Variants in EXOC6B observed in about 807,000 individuals in gnomAD.
EXOC6B encodes the protein SEC15 homolog B.
A neutral mutation model predicts 113.5 loss-of-function variants in EXOC6B; 54 were observed. The ratio of observed to expected loss-of-function variants is 0.48; its 90% CI spans 0.38 to 0.60. The LOEUF is 0.60. Ranked by LOEUF, EXOC6B falls within the 20% of genes least tolerant of loss-of-function variation. The pLI is 0.00. For synonymous variants in EXOC6B, 357 were observed against 339.0 expected (o/e 1.05, Z -0.58); for missense variants, 797 against 977.5 (o/e 0.82, Z 2.46).
chr2:72,346,700 T>C (rs1482249018), intron 19 of EXOC6B, among the ~76,000 whole-genome samples: 4 of 152,166 alleles, frequency 2.6e-5, no homozygotes, highest in Admixed American at 6.5e-5. Flanking sequence ...TTTAGCTATA[T>C]TCACTGAATT....
chr2:72,414,423 C>A (rs545533147), intron 18 of EXOC6B, among the ~76,000 whole-genome samples: 3 of 152,180 alleles, frequency 2.0e-5, no homozygotes, highest in Non-Finnish European at 4.4e-5. Flanking sequence ...GTTCAAAAAA[C>A]CAGTTTTATA....
chr2:72,272,921 A>T (rs1481130797), intron 20 of EXOC6B, among the ~76,000 whole-genome samples: 1 of 152,184 alleles, frequency 6.6e-6, no homozygotes, highest in Non-Finnish European at 1.5e-5. Context: ...ATTGCAGAAC[A>T]CTAAGGAAAA....
intron 18 of EXOC6B, among the ~76,000 whole-genome samples, chr2:72,443,520 C>T (rs1007811671): frequency 6.6e-6 from 1 of 152,018 alleles, no homozygotes; most frequent in African/African-American, 2.4e-5. Flanking sequence ...TGAAGCTGGA[C>T]CCCTTTCTTA....
At chr2:72,345,374 G>A (rs1335221140) in intron 19 of EXOC6B, among the ~76,000 whole-genome samples, 2 of 152,146 alleles carry the variant, frequency 1.3e-5, no homozygotes, top group African/African-American at 2.4e-5. Flanking sequence ...TAGGAATCTG[G>A]GAATGGATGT....
At chr2:72,570,154 G>C (rs1704432409) in intron 7 of EXOC6B, among the ~76,000 whole-genome samples, 1 of 151,972 alleles carries the variant, frequency 6.6e-6, no homozygotes, top group African/African-American at 2.4e-5. Context: ...CTTATAAAAA[G>C]AGGAAGACAC....
At position 72,638,832 on chromosome 2, in the gene EXOC6B, G is replaced by C. The variant is rs577486913; in HGVS notation, c.670-63164C>G. ...CTAGGCTCAACGTGCTTCCATAGGA[G>C]ACTTTAGCCCTAGGGGTCCTGAACT... On this transcript the variant is annotated intron_variant, in intron 6 of 21. Transcript: ENST00000272427. Among the ~76,000 whole-genome samples, 44 of 152,264 alleles carry C rather than the reference G, an allele frequency of 2.9e-4. No individual in the cohort carries two copies. In the South Asian group the frequency reaches 5.6e-3, roughly 19 times the overall value.
At chr2:72,305,354 GTATATGTATATGTATA>G (rs1160043952) in intron 20 of EXOC6B, among the ~76,000 whole-genome samples, 63 of 151,676 alleles carry the variant, frequency 4.2e-4, no homozygotes, top group African/African-American at 1.4e-3. Context: ...ATATGTATAT[GTATATGTATATGTATA>G]TGTGTATGTA....
At chr2:72,585,517 A>C (rs1041855366) in intron 6 of EXOC6B, among the ~76,000 whole-genome samples, 5 of 152,054 alleles carry the variant, frequency 3.3e-5, no homozygotes, top group African/African-American at 1.2e-4. Flanking sequence ...GAATCACTTG[A>C]ACCCAGGAGG....
chr2:72,273,439 T>C (rs530033024), intron 20 of EXOC6B, among the ~76,000 whole-genome samples: 137 of 152,180 alleles, frequency 9.0e-4, no homozygotes, highest in African/African-American at 3.2e-3. Flanking sequence ...AGAGGAGACA[T>C]ACAGGCAAAT....
At chr2:72,778,485 C>A (rs1263022982) in intron 1 of EXOC6B, among the ~76,000 whole-genome samples, 1 of 152,132 alleles carries the variant, frequency 6.6e-6, no homozygotes, top group African/African-American at 2.4e-5. Flanking sequence ...GAATAATGTA[C>A]TGTTTACAAT....
At chr2:72,443,043 T>C (rs1696309151) in intron 18 of EXOC6B, among the ~76,000 whole-genome samples, 1 of 151,860 alleles carries the variant, frequency 6.6e-6, no homozygotes, top group Non-Finnish European at 1.5e-5. Flanking sequence ...AAAAGACACA[T>C]AGGCAGGGCG....
At chr2:72,613,906 G>A (rs1671231811) in intron 6 of EXOC6B, among the ~76,000 whole-genome samples, 1 of 152,064 alleles carries the variant, frequency 6.6e-6, no homozygotes, top group African/African-American at 2.4e-5. Flanking sequence ...AAATAAAAAA[G>A]TTGTCTTGAC....
At chr2:72,475,736 C>G (rs645489) in intron 17 of EXOC6B, among the ~76,000 whole-genome samples, 1 of 152,086 alleles carries the variant, frequency 6.6e-6, no homozygotes, top group Non-Finnish European at 1.5e-5. Context: ...AGGGCAGTGC[C>G]ACCTTCAGTA....
intron 16 of EXOC6B, among the ~76,000 whole-genome samples, chr2:72,483,811 C>G (rs1699254153): frequency 6.6e-6 from 1 of 152,190 alleles, no homozygotes; most frequent in Non-Finnish European, 1.5e-5. Context: ...CAGATAACTT[C>G]CCTCAGAGTT....
intron 1 of EXOC6B, among the ~76,000 whole-genome samples, chr2:72,800,114 G>C (rs370270771): frequency 1.3e-5 from 2 of 151,552 alleles, no homozygotes. Context: ...TACCAAATGT[G>C]AACATAAAAA....
chr2:72,668,025 A>C (rs1675519802), intron 6 of EXOC6B, among the ~76,000 whole-genome samples: 1 of 152,168 alleles, frequency 6.6e-6, no homozygotes, highest in African/African-American at 2.4e-5. Flanking sequence ...CAACCAAAAA[A>C]CCAATAACCC....
chr2:72,536,725 C>A (rs781294296), intron 8 of EXOC6B, among the ~76,000 whole-genome samples: 1 of 152,196 alleles, frequency 6.6e-6, no homozygotes, highest in Admixed American at 6.5e-5. Context: ...TATGGGCCAT[C>A]ACAATGTGGC....
chr2:72,450,756 T>A (rs1696862712), intron 18 of EXOC6B, among the ~76,000 whole-genome samples: 2 of 152,158 alleles, frequency 1.3e-5, no homozygotes, highest in South Asian at 4.2e-4. Flanking sequence ...ATAAGTATGA[T>A]TAGGAATAGT....
chr2:72,473,037 A>G (rs1395206276), intron 17 of EXOC6B, among the ~76,000 whole-genome samples: 3 of 152,142 alleles, frequency 2.0e-5, no homozygotes, highest in African/African-American at 7.2e-5. Context: ...GTGATCTGGG[A>G]ATATACTTGA....
Sources: gnomAD v4.1 joint callset for allele counts (sites outside exome capture counted in the v4.1 genomes callset) on GRCh38, gnomAD v4.1.1 for gene constraint, MANE v1.5 for transcripts, NCBI Gene and HGNC (gene_info 2026-07-23, HGNC 2026-07-21) for gene names.